The following ATP8B4 variants were observed in gnomAD, a reference collection of about 807,000 sequenced individuals.
ATP8B4 encodes probable phospholipid-transporting ATPase IM.
ATP8B4 carries 133 observed loss-of-function variants against 145.6 expected under a neutral mutation model. The observed-to-expected ratio is 0.91, with a 90% CI of 0.79 to 1.05. ATP8B4 has a LOEUF of 1.05. ATP8B4 is among the 50% of genes least tolerant of loss of function. ATP8B4 has a pLI of 0.00. For missense variants in ATP8B4, 1,458 were observed against 1,425.2 expected (o/e 1.02, Z -0.37); for synonymous variants, 507 against 492.9 (o/e 1.03, Z -0.38).
intron 6 of ATP8B4, among the ~76,000 whole-genome samples, chr15:50,028,254 A>G (rs1193725427): frequency 6.6e-6 from 1 of 152,222 alleles, no homozygotes; most frequent in African/African-American, 2.4e-5. Flanking sequence ...GTCTGCCTCT[A>G]TCTTTTCCTT....
intron 13 of ATP8B4, among the ~76,000 whole-genome samples, chr15:49,964,624 T>C (rs139638505): frequency 6.6e-6 from 1 of 152,182 alleles, no homozygotes; most frequent in Non-Finnish European, 1.5e-5. Context: ...TTATAAATTA[T>C]AACAGCATAT....
At chr15:49,985,946 AAAT>A (rs1163632069) in intron 10 of ATP8B4, among the ~76,000 whole-genome samples, 26 of 152,336 alleles carry the variant, frequency 1.7e-4, no homozygotes, top group African/African-American at 6.3e-4. Context: ...ACAGCTGGTA[AAAT>A]AATAATAACA....
intron 14 of ATP8B4, among the ~76,000 whole-genome samples, chr15:49,938,394 A>C (rs2041904130): frequency 6.6e-6 from 1 of 152,206 alleles, no homozygotes; most frequent in African/African-American, 2.4e-5. Context: ...CCACAGGCTC[A>C]AAGCAAAAAG....
At chr15:50,112,903 C>T (rs2057018665) in intron 1 of ATP8B4, among the ~76,000 whole-genome samples, 1 of 152,158 alleles carries the variant, frequency 6.6e-6, no homozygotes, top group South Asian at 2.1e-4. Flanking sequence ...TCCCAACCCA[C>T]CATCTCTCTG....
intron 3 of ATP8B4, among the ~76,000 whole-genome samples, chr15:50,052,608 T>C (rs1159896321): frequency 6.6e-6 from 1 of 152,222 alleles, no homozygotes; most frequent in Non-Finnish European, 1.5e-5. Flanking sequence ...TCATCTCACA[T>C]GTGGCAGAGT....
intron 20 of ATP8B4, among the ~76,000 whole-genome samples, chr15:49,913,429 A>G (rs1275311529): frequency 6.6e-6 from 1 of 152,206 alleles, no homozygotes; most frequent in East Asian, 1.9e-4. Context: ...CTGAATGAGG[A>G]AGAGTTGAAA....
intron 1 of ATP8B4, among the ~76,000 whole-genome samples, chr15:50,149,473 C>A (rs4775861): frequency 1.3e-5 from 2 of 151,846 alleles, no homozygotes; most frequent in African/African-American, 4.8e-5. Context: ...TGCACTAAGC[C>A]TTGAAGCAGA....
intron 20 of ATP8B4, among the ~76,000 whole-genome samples, chr15:49,908,637 C>T (rs2038889944): frequency 6.6e-6 from 1 of 152,126 alleles, no homozygotes; most frequent in African/African-American, 2.4e-5. Context: ...GTCCCACATA[C>T]CACAAAATGA....
intron 20 of ATP8B4, among the ~76,000 whole-genome samples, chr15:49,909,321 C>T (rs1478592139): frequency 1.3e-5 from 2 of 152,186 alleles, no homozygotes; most frequent in African/African-American, 4.8e-5. Flanking sequence ...ACTTACCACC[C>T]GTGGACCTGG....
At chr15:50,172,868 G>C (rs571501318) in intron 1 of ATP8B4, among the ~76,000 whole-genome samples, 1 of 151,196 alleles carries the variant, frequency 6.6e-6, no homozygotes, top group Non-Finnish European at 1.5e-5. Flanking sequence ...GTCTCTGACC[G>C]GCCGCCCCGT....
chr15:49,982,482 T>C (rs1419494588), intron 10 of ATP8B4: 1 of 152,172 alleles, frequency 6.6e-6, no homozygotes, highest in Non-Finnish European at 1.5e-5. Context: ...TGATCTCATC[T>C]GATCTCAGAA....
At chr15:49,884,189 A>G (rs902893811) in intron 23 of ATP8B4, among the ~76,000 whole-genome samples, 3 of 152,134 alleles carry the variant, frequency 2.0e-5, no homozygotes, top group Non-Finnish European at 2.9e-5. Context: ...TCCTGAGATC[A>G]CAAAGTTTGA....
At chr15:50,160,073 T>C (rs1488566603) in intron 1 of ATP8B4, among the ~76,000 whole-genome samples, 2 of 143,180 alleles carry the variant, frequency 1.4e-5, no homozygotes, top group Non-Finnish European at 3.1e-5. Context: ...TCAATCTCAT[T>C]GCTTGTTATT....
chr15:49,946,229 A>G (rs1012784253), intron 14 of ATP8B4, among the ~76,000 whole-genome samples: 1 of 152,212 alleles, frequency 6.6e-6, no homozygotes, highest in Admixed American at 6.5e-5. Context: ...ACCCCCAAAA[A>G]TGAAGAAAAC....
chr15:50,159,362 T>G (rs752304794), intron 1 of ATP8B4, among the ~76,000 whole-genome samples: 1 of 152,256 alleles, frequency 6.6e-6, no homozygotes, highest in Non-Finnish European at 1.5e-5. Context: ...GAAACTTAAC[T>G]GAATTTGTTT....
chr15:49,954,084 G>A (rs111840552), intron 14 of ATP8B4, among the ~76,000 whole-genome samples: 3 of 152,182 alleles, frequency 2.0e-5, no homozygotes, highest in African/African-American at 7.2e-5. Flanking sequence ...CTTTTTTTAT[G>A]GGAGCCTCTG....
At chr15:49,938,382 A>G (rs1436332482) in intron 14 of ATP8B4, among the ~76,000 whole-genome samples, 1 of 152,172 alleles carries the variant, frequency 6.6e-6, no homozygotes, top group Non-Finnish European at 1.5e-5. Context: ...ATGTAGCAAC[A>G]CCCACAGGCT....
At chr15:49,926,812 A>G (rs1340625813) in intron 16 of ATP8B4, among the ~76,000 whole-genome samples, 1 of 152,208 alleles carries the variant, frequency 6.6e-6, no homozygotes, top group Non-Finnish European at 1.5e-5. Flanking sequence ...AATGGCTTCC[A>G]GTTAGATGCA....
upstream of ATP8B4, among the ~76,000 whole-genome samples, chr15:50,119,700 AGTTCCCACCTGCT>A (rs1231880104): frequency 1.3e-5 from 2 of 149,230 alleles, no homozygotes; most frequent in East Asian, 4.0e-4. Context: ...ATCTGTTTGC[AGTTCCCACCTGCT>A]TTTGCAGAGA....
Sources: gnomAD v4.1 joint callset for allele counts (sites outside exome capture counted in the v4.1 genomes callset) on GRCh38, gnomAD v4.1.1 for gene constraint, MANE v1.5 for transcripts, NCBI Gene and HGNC (gene_info 2026-07-23, HGNC 2026-07-21) for gene names.